The following RADIL variants were observed in gnomAD, a reference collection of about 807,000 sequenced individuals.
The protein encoded by RADIL is Rap associating with DIL domain, also known as ras-associating and dilute domain-containing protein.
RADIL carries 99 observed loss-of-function variants against 97.6 expected under a neutral mutation model. The observed-to-expected ratio is 1.01, with a 90% CI of 0.86 to 1.20. RADIL has a LOEUF of 1.20. RADIL is among the 50% of genes most tolerant of loss of function. The pLI is 0.00. For synonymous variants in RADIL, 803 were observed against 691.8 expected, an observed-to-expected ratio of 1.16 and a Z score of -2.52; for missense variants, 1,765 against 1,498.9, an observed-to-expected ratio of 1.18 and a Z score of -2.93.
intron 5 of RADIL, among the ~76,000 whole-genome samples, chr7:4,825,999 T>G (rs1167596740): frequency 1.3e-5 from 2 of 151,894 alleles, no homozygotes; most frequent in African/African-American, 4.8e-5. Flanking sequence ...TCCCAGCACT[T>G]TGGGAGGCTG....
chr7:4,846,216 G>A (rs962360921), intron 2 of RADIL, among the ~76,000 whole-genome samples: 9 of 150,082 alleles, frequency 6.0e-5, no homozygotes, highest in Middle Eastern at 3.4e-3. Context: ...TGCAACCTCC[G>A]ACTCACTGCA....
intron 2 of RADIL, among the ~76,000 whole-genome samples, chr7:4,852,444 T>G (rs1417491609): frequency 6.6e-6 from 1 of 152,142 alleles, no homozygotes; most frequent in Non-Finnish European, 1.5e-5. Context: ...CGTTTCCTCC[T>G]ATTATTTATT....
intron 11 of RADIL, 32 bp from the exon 12 acceptor site, chr7:4,802,027 A>T: frequency 6.9e-7 from 1 of 1,449,572 alleles, no homozygotes; most frequent in Non-Finnish European, 9.1e-7. Flanking sequence ...GCTCAGGTAG[A>T]GGAGTGGCCA....
rs746139124 is a variant in RADIL at position 4,877,982 on chromosome 7, G to A, written c.158C>T (p.Ala53Val). ...FSSLGASDDP[A>V]ELSTQLSAPG... ...GGCCGACAGCTGGGTGGAGAGCTCGGCGGGGTCATCGCTGGCGCCCAGGCT... is the reference window on the plus strand; with the variant it reads ...GGCCGACAGCTGGGTGGAGAGCTCGACGGGGTCATCGCTGGCGCCCAGGCT... Residue 53 changes from alanine to valine, a missense_variant, in exon 2 of 15, where the codon GCC becomes GTC. Coordinates refer to ENST00000399583, the MANE Select transcript of RADIL (RefSeq NM_018059.5). 2 of 1,612,050 alleles carry A rather than the reference G, an allele frequency of 1.2e-6. No homozygotes were observed. Among genetic ancestry groups the A allele is most frequent in the South Asian group, 2.2e-5 (2 of 91,046 alleles).
At position 4,880,101 on chromosome 7, in the gene RADIL, CGCTGTGCCTGGCTTTCT is replaced by C. The variant is rs1784453779; in HGVS notation, c.-64-1915_-64-1899del. Among the ~76,000 whole-genome samples the C allele has an allele frequency of 6.6e-6, 1 of 152,200 alleles. No individual in the cohort carries two copies. Among genetic ancestry groups the C allele is most frequent in the Admixed American group, 6.5e-5 (1 of 15,272 alleles). On this transcript the variant is annotated intron_variant, in intron 1 of 14. Transcript: ENST00000399583. The surrounding 1 kb of genome is among the most constrained non-coding windows in gnomAD (Gnocchi z 4.5). Reference sequence around the variant, plus strand: ...GACACTTCACCACGGCAAAGGCTTTCGCTGTGCCTGGCTTTCTGAAGAGGTGAATTTGCTGTAACAGG... The same window carrying C: ...GACACTTCACCACGGCAAAGGCTTTCGAAGAGGTGAATTTGCTGTAACAGG...
At chr7:4,866,595 T>G (rs1784136399) in intron 2 of RADIL, among the ~76,000 whole-genome samples, 1 of 152,228 alleles carries the variant, frequency 6.6e-6, no homozygotes, top group Admixed American at 6.5e-5. Flanking sequence ...ATTTCACAGC[T>G]GCTCACAAAA....
In RADIL at chr7:4,818,389, G is replaced by A. The variant is rs1423095066; in HGVS notation, c.1616-1038C>T. Among the ~76,000 whole-genome samples, 3 of 152,220 alleles carry A rather than the reference G, an allele frequency of 2.0e-5. No individual in the cohort carries two copies. The highest frequency in any genetic ancestry group is 7.2e-5 in the African/African-American group (3 of 41,462). ...CCTTGGACAAGCCCCTGTCACTTTC[G>A]CTCTGCCGCTCCTGGTGCTCCTCCT... On this transcript the variant is annotated intron_variant, in intron 6 of 14. Transcript: ENST00000399583. This position sits in a 1 kb window ranked among gnomAD's most constrained non-coding sequence, Gnocchi z 7.1.
At chr7:4,812,829 T>G (rs1782581958) in intron 9 of RADIL, among the ~76,000 whole-genome samples, 1 of 152,236 alleles carries the variant, frequency 6.6e-6, no homozygotes, top group Admixed American at 6.5e-5. Flanking sequence ...CTCCTCTGCT[T>G]TCCTTGGGTT....
At position 4,836,580 on chromosome 7, in the gene RADIL, C is replaced by A. The variant is rs745778092; in HGVS notation, c.561G>T (p.Leu187=). 2 of 1,607,194 alleles carry A rather than the reference C, an allele frequency of 1.2e-6. No homozygotes were observed. The highest frequency in any genetic ancestry group is 2.2e-5 in the East Asian group (1 of 44,872). The stretch of plus-strand genomic sequence containing the variant: ...GGGTTCCCTTCGCGCGACTCCGCTG[C>A]AGCCTCCGGGCCTGGGCGTTTATCC... ...TAGINAQARR[L]QRSRAKGTPT... The change falls in exon 3 of 15, where the codon CTG becomes CTT. Residue 187 remains leucine, a synonymous_variant. Transcript: ENST00000399583.
rs1783343628 is a variant in RADIL at position 4,837,907 on chromosome 7, C to T, written c.536-1302G>A. On this transcript the variant is annotated intron_variant, in intron 2 of 14. Transcript: ENST00000399583. The surrounding 1 kb of genome is among the most constrained non-coding windows in gnomAD (Gnocchi z 5.6). ...GTACGCAGCCTTTCAGGTTAAGATC[C>T]ATCCCCATCTGTGGCGGCCTTTCCT... is the stretch of plus-strand genomic sequence containing the variant. 2.0e-6 allele frequency: 2 copies of T among 985,388 alleles called. No individual in the cohort carries two copies. Among genetic ancestry groups the T allele is most frequent in the Non-Finnish European group, 2.4e-6 (2 of 829,940 alleles). The allele number at this position is 985,388 out of a possible 1,614,324, so 61.0% of individuals were successfully genotyped here.
intron 2 of RADIL, among the ~76,000 whole-genome samples, chr7:4,864,506 G>C (rs1512977): frequency 0.015 from 2,293 of 152,270 alleles, 48 homozygotes; most frequent in African/African-American, 0.052. Flanking sequence ...GACTGCCTGT[G>C]GTTGCCACCT....
At chr7:4,861,763 C>A in intron 2 of RADIL, 1 of 1,485,324 alleles carries the variant, frequency 6.7e-7, no homozygotes, top group Non-Finnish European at 8.9e-7. Context: ...GATTCGGCGG[C>A]GGCGCCGGCT....
At chr7:4,823,592 GC>G (rs1273118816) in intron 5 of RADIL, among the ~76,000 whole-genome samples, 1 of 152,204 alleles carries the variant, frequency 6.6e-6, no homozygotes, top group Non-Finnish European at 1.5e-5. Context: ...TCCCAGGCCT[GC>G]TGCCTTCCGG....
In RADIL at chr7:4,867,865, G is replaced by C. The variant is rs141633166; in HGVS notation, c.535+9740C>G. Among the ~76,000 whole-genome samples, 1 of 152,308 alleles carries C rather than the reference G, an allele frequency of 6.6e-6. No homozygotes were observed. The highest frequency in any genetic ancestry group is 2.4e-5 in the African/African-American group (1 of 41,564). On this transcript the variant is annotated intron_variant, in intron 2 of 14. Transcript: ENST00000399583. The surrounding 1 kb of genome is among the most constrained non-coding windows in gnomAD (Gnocchi z 4.1). ...AGAAAATGATCCTATCCATCCACCA[G>C]AGCATCTGCCAACAGATTGGAAACC...
At position 4,813,853 on chromosome 7, in the gene RADIL, C is replaced by G. The variant is rs1782608136; in HGVS notation, c.2139+1425G>C. ...AACTGTTCTTCTGTTTTAGCCCCATCTTGACATCGGTGTCCAGAGGTACCT... is the reference window on the plus strand; with the variant it reads ...AACTGTTCTTCTGTTTTAGCCCCATGTTGACATCGGTGTCCAGAGGTACCT... On this transcript the variant is annotated intron_variant, in intron 9 of 14. Transcript: ENST00000399583. This position sits in a 1 kb window ranked among gnomAD's most constrained non-coding sequence, Gnocchi z 5.0. Among the ~76,000 whole-genome samples the G allele has an allele frequency of 6.6e-6, 1 of 152,250 alleles. No homozygotes were observed. Among genetic ancestry groups the G allele is most frequent in the Non-Finnish European group, 1.5e-5 (1 of 68,042 alleles).
At chr7:4,861,685 C>A in intron 2 of RADIL, 1 of 1,587,894 alleles carries the variant, frequency 6.3e-7, no homozygotes. Context: ...TTTCTATTAG[C>A]CTCTGGGTGA....
intron 9 of RADIL, among the ~76,000 whole-genome samples, chr7:4,811,571 TCCG>T (rs1782549926): frequency 7.6e-6 from 1 of 131,184 alleles, no homozygotes; most frequent in Non-Finnish European, 1.6e-5. Context: ...CACTGCAAGC[TCCG>T]CCTCCCGGGT....
At position 4,797,165 on chromosome 7, in the gene RADIL, CCAGAA is replaced by C. The variant is rs1339320449; in HGVS notation, c.*2208_*2212del. On this transcript the variant is annotated 3_prime_UTR_variant, in exon 15 of 15. Transcript: ENST00000399583. ...GCATTCGCCTGGAAGCTCAGCAAGA[CCAGAA>C]CAGCCAGTGGCAGCCCTCACCAGTC... 6.6e-6 allele frequency: 1 copy of C among 152,260 alleles called. No homozygotes were observed. The highest frequency in any genetic ancestry group is 1.9e-4 in the East Asian group (1 of 5,200). 9.4% of individuals were successfully genotyped at this position (152,260 alleles called of 1,614,324 possible).
At chr7:4,847,185 G>A (rs1783594374) in intron 2 of RADIL, among the ~76,000 whole-genome samples, 1 of 152,074 alleles carries the variant, frequency 6.6e-6, no homozygotes, top group Non-Finnish European at 1.5e-5. Context: ...CCTGGGTGTG[G>A]TAGCAAGTGC....
Sources: allele counts gnomAD v4.1 joint callset (sites outside exome capture counted in the v4.1 genomes callset), GRCh38; gene constraint gnomAD v4.1.1; non-coding constraint Gnocchi (gnomAD v3.1); transcripts MANE v1.5; gene names NCBI Gene and HGNC (gene_info 2026-07-23, HGNC 2026-07-21).